The following ZNF567 variants were observed in gnomAD, a reference collection of about 807,000 sequenced individuals.
The protein encoded by ZNF567 is zinc finger protein 567.
A neutral mutation model predicts 53.9 loss-of-function variants in ZNF567; 36 were observed. The ratio of observed to expected loss-of-function variants is 0.67; its 90% confidence interval spans 0.51 to 0.88. The LOEUF (loss-of-function observed/expected upper bound fraction) is 0.88, where lower values mean the gene tolerates loss of function less well. Among genes scored for constraint, ZNF567 ranks in the 40% least tolerant of loss-of-function variants. The pLI is 0.00. For missense variants in ZNF567, 619 were observed against 764.7 expected (o/e 0.81, Z 2.25); for synonymous variants, 224 against 260.4 (o/e 0.86, Z 1.35).
In ZNF567 at chr19:36,705,030, A is replaced by G. The variant is rs201458449; in HGVS notation, c.10-7356A>G. Among the ~76,000 whole-genome samples the G allele has an allele frequency of 9.2e-5, 14 of 152,220 alleles. No individual in the cohort carries two copies. The East Asian group carries it at 2.7e-3, about 29-fold the overall frequency. ...TTTTTATCCTTTTGATGTTTGTATAATCTGTAACAATACCCCTTTTTTATT... is the reference window on the plus strand; with the variant it reads ...TTTTTATCCTTTTGATGTTTGTATAGTCTGTAACAATACCCCTTTTTTATT... On this transcript the variant is annotated intron_variant, in intron 3 of 5. Coordinates refer to ENST00000682579, the MANE Select transcript of ZNF567 (RefSeq NM_001322917.1).
At chr19:36,702,158 G>A (rs937429780) in intron 3 of ZNF567, among the ~76,000 whole-genome samples, 61 of 152,162 alleles carry the variant, frequency 4.0e-4, no homozygotes, top group Admixed American at 1.1e-3. Flanking sequence ...TGTCTGTAAA[G>A]TATTGTATTT....
At chr19:36,676,957 A>G in the ZNF567 span, among the ~76,000 whole-genome samples, 1 of 151,306 alleles carries the variant, frequency 6.6e-6, no homozygotes, top group Non-Finnish European at 1.5e-5. Flanking sequence ...GAAGTTCGAG[A>G]CTAGCCTGAC....
the ZNF567 span, among the ~76,000 whole-genome samples, chr19:36,677,151 G>A: frequency 5.6e-4 from 38 of 67,510 alleles, no homozygotes; most frequent in African/African-American, 1.9e-3. Flanking sequence ...GCGAAACTCC[G>A]TCTCAAAAAA....
At chr19:36,723,827 G>C (rs1298509097), downstream of ZNF567, among the ~76,000 whole-genome samples, 1 of 151,946 alleles carries the variant, frequency 6.6e-6, no homozygotes, top group East Asian at 1.9e-4. Flanking sequence ...GAGTGAGACT[G>C]TGTCTCAAAA....
At chr19:36,714,506 A>AAT (rs1418318569) in intron 5 of ZNF567, 4 of 398,286 alleles carry the variant, frequency 1.0e-5, no homozygotes, top group African/African-American at 6.2e-5. Context: ...CCTGTCTTTA[A>AAT]AAAGAGAAAA....
chr19:36,711,072 T>TTGTG lies in ZNF567; in HGVS notation c.10-1297_10-1294dup, dbSNP rs34088180. ...AACCTAAATTTCCAGCTCTCACTTTTTGTGTGTGTGTGTGTGTGTGACACA... is the reference window on the plus strand; with the variant it reads ...AACCTAAATTTCCAGCTCTCACTTTTTGTGTGTGTGTGTGTGTGTGTGTGACACA... On this transcript the variant is annotated intron_variant, in intron 3 of 5. Coordinates refer to ENST00000682579, the MANE Select transcript of ZNF567 (RefSeq NM_001322917.1). Among the ~76,000 whole-genome samples the TTGTG allele has an allele frequency of 8.7e-3, 1,304 of 150,400 alleles. 15 individuals are homozygous for TTGTG. The highest frequency in any genetic ancestry group is 0.01 in the South Asian group (49 of 4,740).
At chr19:36,709,765 A>G (rs543484323) in intron 3 of ZNF567, among the ~76,000 whole-genome samples, 30 of 152,288 alleles carry the variant, frequency 2.0e-4, no homozygotes, top group South Asian at 2.1e-4. Context: ...CACCCAGCCT[A>G]TTAGTATTTT....
chr19:36,679,754 T>C, the ZNF567 span, among the ~76,000 whole-genome samples: 1 of 152,116 alleles, frequency 6.6e-6, no homozygotes, highest in African/African-American at 2.4e-5. Context: ...ATGATCTCAC[T>C]TACATGTGGA....
intron 5 of ZNF567, 113 bp from the exon 6 acceptor site, chr19:36,718,835 T>C: frequency 1.3e-6 from 1 of 786,636 alleles, no homozygotes. Context: ...GCCAGGCCAG[T>C]GGTCATTTGT....
At chr19:36,701,706 C>T (rs201771719) in intron 3 of ZNF567, among the ~76,000 whole-genome samples, 41,583 of 141,910 alleles carry the variant, frequency 0.29, 6,104 homozygotes, top group East Asian at 0.54. Flanking sequence ...TTTTGATCTT[C>T]GTTGGTTTAA....
At position 36,719,627 on chromosome 19, in the gene ZNF567, A is replaced by G. The variant is rs3108200; in HGVS notation, c.903A>G (p.Arg301=). The change falls in exon 6 of 6, where the codon AGA becomes AGG. Residue 301 remains arginine (R), a synonymous_variant. Coordinates refer to ENST00000682579, the MANE Select transcript of ZNF567 (RefSeq NM_001322917.1). ...RRKSYLIDHQ[R]THTGEKPFVC... Reference sequence around the variant, plus strand: ...AATCATATCTCATTGATCATCAGAGAACTCACACAGGAGAGAAACCCTTTG... The same window carrying G: ...AATCATATCTCATTGATCATCAGAGGACTCACACAGGAGAGAAACCCTTTG... 463,077 of 1,613,850 alleles carry G rather than the reference A, an allele frequency of 0.29. 67,470 individuals are homozygous for G. Among genetic ancestry groups the G allele is most frequent in the African/African-American group, 0.34 (25,357 of 74,962 alleles).
chr19:36,677,155 CAA>C, the ZNF567 span, among the ~76,000 whole-genome samples: 6 of 28,234 alleles, frequency 2.1e-4, no homozygotes, highest in African/African-American at 7.7e-4. Flanking sequence ...AACTCCGTCT[CAA>C]AAAAAAAAAA....
rs948749212 is a variant in ZNF567, at chr19:36,693,499, G to A, written c.-66-1303G>A. ...TAAGACTTGAATAAAAGGACAGGAA[G>A]ACACAACATGATAAAATGTCAAAAC... On this transcript the variant is annotated intron_variant, in intron 2 of 5. Coordinates refer to ENST00000682579, the MANE Select transcript of ZNF567 (RefSeq NM_001322917.1). Among the ~76,000 whole-genome samples the A allele has an allele frequency of 3.3e-5, 5 of 152,156 alleles. No homozygotes were observed. The East Asian group carries it at 5.8e-4, about 18-fold the overall frequency.
Position 36,721,096 on chromosome 19 carries a change from T to C in ZNF567, c.*428T>C, listed in dbSNP as rs2040287609. ...CGTAGCCTATAACATCAAAACGTAG[T>C]TTTTGCATGTTTTCAATTTTATAAA... On this transcript the variant is annotated 3_prime_UTR_variant, in exon 6 of 6. Coordinates refer to ENST00000682579, the MANE Select transcript of ZNF567 (RefSeq NM_001322917.1). 1 of 152,298 alleles carries C rather than the reference T, an allele frequency of 6.6e-6. No individual in the cohort carries two copies. Among genetic ancestry groups the C allele is most frequent in the Non-Finnish European group, 1.5e-5 (1 of 68,106 alleles). The allele number at this position is 152,298 out of a possible 1,614,324, so 9.4% of individuals were successfully genotyped here. A position where few individuals can be genotyped will look rare whatever the true frequency, so the allele number is the denominator to read the frequency against.
At chr19:36,721,847 T>C (rs1314085208), downstream of ZNF567, among the ~76,000 whole-genome samples, 1 of 147,078 alleles carries the variant, frequency 6.8e-6, no homozygotes, top group East Asian at 2.2e-4. Flanking sequence ...TGGGTTCAAG[T>C]GCTTCTCCTG....
At chr19:36,711,072 T>TGTG (rs1555805346) in intron 3 of ZNF567, among the ~76,000 whole-genome samples, 2 of 150,298 alleles carry the variant, frequency 1.3e-5, no homozygotes, top group African/African-American at 4.9e-5. Context: ...CTCTCACTTT[T>TGTG]TGTGTGTGTG....
Position 36,719,461 on chromosome 19 carries a change from C to T in ZNF567, c.737C>T (p.Ala246Val), listed in dbSNP as rs2040212907. Residue 246 changes from alanine to valine, a missense_variant, in exon 6 of 6, where the codon GCA becomes GTA. By Grantham distance (64) the Ala-to-Val change is moderately conservative (BLOSUM62 0). Coordinates refer to ENST00000682579, the MANE Select transcript of ZNF567 (RefSeq NM_001322917.1). ...TCTGTATATAATAAAAAAAGAAGAG[C>T]AACCAATATTGAAAAAAAACATACA... ...NPSVYNKKRR[A>V]TNIEKKHTCN... 3 of 1,610,036 alleles carry T rather than the reference C, an allele frequency of 1.9e-6. No individual in the cohort carries two copies. The Admixed American group carries it at 5.1e-5, about 27-fold the overall frequency.
chr19:36,679,377 A>G, the ZNF567 span, among the ~76,000 whole-genome samples: 4 of 152,356 alleles, frequency 2.6e-5, no homozygotes, highest in East Asian at 7.7e-4. Context: ...GTGAGGATGT[A>G]GAGAAAAGGA....
At chr19:36,667,656 CT>C in the ZNF567 span, among the ~76,000 whole-genome samples, 376 of 134,892 alleles carry the variant, frequency 2.8e-3, 2 homozygotes, top group African/African-American at 6.9e-3. Flanking sequence ...TTTTTTTTTT[CT>C]TTTTTTTTTT....
Sources: allele counts gnomAD v4.1 joint callset (sites outside exome capture counted in the v4.1 genomes callset), GRCh38; gene constraint gnomAD v4.1.1; transcripts MANE v1.5; gene names NCBI Gene and HGNC (gene_info 2026-07-23, HGNC 2026-07-21).